Variants in OGDH observed in about 807,000 individuals in gnomAD.
OGDH encodes the protein oxoglutarate dehydrogenase, also known as 2-oxoglutarate dehydrogenase complex component E1.
A neutral mutation model predicts 116.6 loss-of-function variants in OGDH; 38 were observed. The ratio of observed to expected loss-of-function variants is 0.33; its 90% CI spans 0.25 to 0.43. The LOEUF is 0.43. Ranked by LOEUF, OGDH falls within the 20% of genes least tolerant of loss-of-function variation. The pLI is 1.00. For synonymous variants in OGDH, 488 were observed against 533.3 expected (o/e 0.92, Z 1.17); for missense variants, 825 against 1,357.2 (o/e 0.61, Z 6.16).
chr7:44,686,130 A>G (rs57988673), intron 10 of OGDH, among the ~76,000 whole-genome samples: 1,556 of 150,846 alleles, frequency 0.01, 23 homozygotes, highest in African/African-American at 0.035. Flanking sequence ...TCCAATCCAC[A>G]TGTATCTATG....
chr7:44,626,336 TACACAC>T (rs138545641), intron 2 of OGDH, among the ~76,000 whole-genome samples: 26 of 144,406 alleles, frequency 1.8e-4, no homozygotes, highest in East Asian at 4.1e-4. Flanking sequence ...CACACACCCC[TACACAC>T]ACACACACAC....
chr7:44,671,687 G>A (rs1167959809), intron 5 of OGDH, among the ~76,000 whole-genome samples: 1 of 149,748 alleles, frequency 6.7e-6, no homozygotes, highest in Non-Finnish European at 1.5e-5. Flanking sequence ...AGAATCGCTT[G>A]AACCCGGGAG....
intron 2 of OGDH, among the ~76,000 whole-genome samples, chr7:44,629,960 G>A (rs938725048): frequency 3.3e-5 from 5 of 152,190 alleles, no homozygotes; most frequent in Admixed American, 1.3e-4. Context: ...GGTCGCTGCA[G>A]GAGGGAGGGT....
intron 2 of OGDH, among the ~76,000 whole-genome samples, chr7:44,635,823 G>C (rs944239355): frequency 5.3e-5 from 8 of 151,708 alleles, no homozygotes; most frequent in Non-Finnish European, 1.2e-4. Context: ...TCCTGCCTCA[G>C]CCTCCTGAGT....
Position 44,701,602 on chromosome 7 carries a change from T to C in OGDH, c.2619T>C (p.Asp873=). The change falls in exon 20 of 23, where the codon GAT becomes GAC. Residue 873 remains aspartate (D), a synonymous_variant. Coordinates refer to ENST00000222673, the MANE Select transcript of OGDH (RefSeq NM_002541.4). ...ACCCCGAGGCCAGATCCAGCTTTGA[T>C]GAGATGCTTCCAGGTGGGTGTGAGG... ...LRHPEARSSF[D]EMLPGTHFQR... 1 of 1,592,724 alleles carries C rather than the reference T, an allele frequency of 6.3e-7. No individual in the cohort carries two copies. Among genetic ancestry groups the C allele is most frequent in the Non-Finnish European group, 8.6e-7 (1 of 1,160,776 alleles).
intron 1 of OGDH, among the ~76,000 whole-genome samples, chr7:44,608,040 T>TTTC (rs897532654): frequency 4.6e-5 from 7 of 152,134 alleles, no homozygotes; most frequent in Admixed American, 2.6e-4. Context: ...ACATTTCAGT[T>TTTC]ACTTTTTCCC....
intron 4 of OGDH, among the ~76,000 whole-genome samples, chr7:44,660,404 G>A (rs1019604458): frequency 6.6e-6 from 1 of 151,928 alleles, no homozygotes; most frequent in Non-Finnish European, 1.5e-5. Flanking sequence ...TATTTAGAAG[G>A]GTGTTATTTA....
chr7:44,694,910 G>A lies in OGDH; in HGVS notation c.1668+334G>A, dbSNP rs763187945. On this transcript the variant is annotated intron_variant, in intron 12 of 22. Transcript: ENST00000222673. This position sits in a 1 kb window ranked among gnomAD's most constrained non-coding sequence, Gnocchi z 4.2. ...GTGGATCCAGCTTGGTAAGGGGCCT[G>A]TTGTAATCTGGATAGTAAGTGCTGG... 6.6e-6 allele frequency among the ~76,000 whole-genome samples: 1 copy of A among 152,250 alleles called. No individual in the cohort carries two copies. The highest frequency in any genetic ancestry group is 2.1e-4 in the South Asian group (1 of 4,826).
intron 2 of OGDH, among the ~76,000 whole-genome samples, chr7:44,641,225 C>CTT (rs1175522868): frequency 3.2e-4 from 26 of 81,652 alleles, no homozygotes; most frequent in South Asian, 9.0e-4. Flanking sequence ...TTTTTTTTTT[C>CTT]TTTTTTTTTT....
chr7:44,707,399 G>T lies in OGDH; in HGVS notation c.2796+11G>T. 6.2e-7 allele frequency: 1 copy of T among 1,614,070 alleles called. No individual in the cohort carries two copies. Among genetic ancestry groups the T allele is most frequent in the Non-Finnish European group, 8.5e-7 (1 of 1,179,934 alleles). On this transcript the variant is annotated intron_variant, in intron 21 of 22. Transcript: ENST00000222673. This position sits in a 1 kb window ranked among gnomAD's most constrained non-coding sequence, Gnocchi z 5.2. Reference sequence around the variant, plus strand: ...ACAAGGATTGAGCAGGTGAGGGCAGGTGGTGCCATCAGGGTGTCCCCCCAG... The same window carrying T: ...ACAAGGATTGAGCAGGTGAGGGCAGTTGGTGCCATCAGGGTGTCCCCCCAG...
intron 2 of OGDH, among the ~76,000 whole-genome samples, chr7:44,625,083 T>C (rs917097): frequency 0.12 from 18,703 of 152,228 alleles, 2,231 homozygotes; most frequent in East Asian, 0.44. Flanking sequence ...ACATGATTAC[T>C]GATGTAAGTC....
intron 9 of OGDH, 158 bp downstream of exon 9, chr7:44,676,307 G>A (rs1364651510): frequency 4.0e-6 from 6 of 1,495,786 alleles, no homozygotes; most frequent in Non-Finnish European, 5.4e-6. Context: ...TGTAATCCCA[G>A]CACTTTGGGA....
At chr7:44,627,549 C>T (rs974963665) in intron 2 of OGDH, among the ~76,000 whole-genome samples, 1 of 152,158 alleles carries the variant, frequency 6.6e-6, no homozygotes. Flanking sequence ...GGTCGGATTC[C>T]GTACTTATTT....
At chr7:44,661,736 G>T (rs1351092817) in intron 4 of OGDH, among the ~76,000 whole-genome samples, 1 of 151,896 alleles carries the variant, frequency 6.6e-6, no homozygotes, top group African/African-American at 2.4e-5. Flanking sequence ...TGAGTAGCTG[G>T]GATTATAGGT....
chr7:44,653,241 C>T (rs1010209923), intron 4 of OGDH, among the ~76,000 whole-genome samples: 2 of 152,004 alleles, frequency 1.3e-5, no homozygotes, highest in African/African-American at 4.8e-5. Flanking sequence ...TACAGATGTG[C>T]ACCACCATGC....
chr7:44,628,168 G>A (rs1785281889), intron 2 of OGDH, among the ~76,000 whole-genome samples: 1 of 152,184 alleles, frequency 6.6e-6, no homozygotes, highest in South Asian at 2.1e-4. Context: ...AGACACTGGA[G>A]TATTTTAAGG....
At chr7:44,657,621 A>G (rs988359352) in intron 4 of OGDH, among the ~76,000 whole-genome samples, 7 of 152,116 alleles carry the variant, frequency 4.6e-5, no homozygotes, top group Admixed American at 4.6e-4. Flanking sequence ...CTATGCCCTA[A>G]GTTTTTAAGC....
At chr7:44,635,213 A>G (rs1020635264) in intron 2 of OGDH, among the ~76,000 whole-genome samples, 3 of 152,144 alleles carry the variant, frequency 2.0e-5, no homozygotes, top group African/African-American at 4.8e-5. Flanking sequence ...ACTTTTTATC[A>G]GCTTGGCTGG....
chr7:44,675,092 GGGA>G, intron 7 of OGDH, 83 bp from the exon 8 acceptor site: 6 of 1,026,662 alleles, frequency 5.8e-6, no homozygotes, highest in Non-Finnish European at 7.5e-6. Context: ...TGGGGGGAGG[GGGA>G]GGGGGGGATT....
Sources: allele counts gnomAD v4.1 joint callset (sites outside exome capture counted in the v4.1 genomes callset), GRCh38; gene constraint gnomAD v4.1.1; non-coding constraint Gnocchi (gnomAD v3.1); transcripts MANE v1.5; gene names NCBI Gene and HGNC (gene_info 2026-07-23, HGNC 2026-07-21).